Variants in CCND1 observed in about 807,000 individuals in gnomAD.
CCND1 encodes cyclin D1.
CCND1 carries 9 observed loss-of-function variants against 26.1 expected under a neutral mutation model. The ratio of observed to expected loss-of-function variants is 0.35; its 90% CI spans 0.21 to 0.60. The LOEUF (loss-of-function observed/expected upper bound fraction) is 0.60, where lower values mean the gene tolerates loss of function less well. CCND1 is among the 20% of genes least tolerant of loss of function. CCND1 has a pLI of 0.79. For synonymous variants in CCND1, 194 were observed against 166.1 expected (o/e 1.17, Z -1.29); for missense variants, 335 against 392.9 (o/e 0.85, Z 1.25).
Position 69,653,284 on chromosome 11 carries a change from C to G in CCND1, c.*2002C>G, listed in dbSNP as rs2120127485. On this transcript the variant is annotated 3_prime_UTR_variant, in exon 5 of 5. Transcript: ENST00000227507. ...TCCAGGCACGGTTTGGAAATATTCA[C>G]ATCGCTTCTGTGTATCTCTTTCACA... 1 of 702,752 alleles carries G rather than the reference C, an allele frequency of 1.4e-6. No individual in the cohort carries two copies. The highest frequency in any genetic ancestry group is 2.7e-5 in the East Asian group (1 of 37,276). The allele number at this position is 702,752 out of a possible 1,614,324, so 43.5% of individuals were successfully genotyped here.
intron 2 of CCND1, 115 bp downstream of exon 2, chr11:69,643,361 AG>A: frequency 1.3e-6 from 1 of 794,282 alleles, no homozygotes; most frequent in Non-Finnish European, 1.8e-6. Flanking sequence ...TGCTCCTCCG[AG>A]GGAGGGCGGC....
Position 69,654,347 on chromosome 11 carries a change from G to A in CCND1, c.*3065G>A, listed in dbSNP as rs1461594851. 1.4e-6 allele frequency: 1 copy of A among 702,528 alleles called. No individual in the cohort carries two copies. Among genetic ancestry groups the A allele is most frequent in the South Asian group, 1.5e-5 (1 of 67,596 alleles). The allele number at this position is 702,528 out of a possible 1,614,324, so 43.5% of individuals were successfully genotyped here. A position where few individuals can be genotyped will look rare whatever the true frequency, so the allele number is the denominator to read the frequency against. ...CGCAAGTCTGAGGGTCTGGGCGGCG[G>A]GCGGCTGGGTCTGTGCATTTCTGGT... On this transcript the variant is annotated 3_prime_UTR_variant, in exon 5 of 5. Transcript: ENST00000227507. The surrounding 1 kb of genome is among the most constrained non-coding windows in gnomAD (Gnocchi z 6.3).
chr11:69,647,815 C>T (rs182399526), intron 3 of CCND1, 179 bp from the exon 4 acceptor site: 3 of 654,978 alleles, frequency 4.6e-6, no homozygotes, highest in East Asian at 5.5e-5. Context: ...CTCTTGCTCT[C>T]CGAGTGCCCA....
rs775723921 is a variant in CCND1, at chr11:69,651,208, G to A, written c.814G>A (p.Glu272Lys). The A allele has an allele frequency of 1.9e-6, 3 of 1,605,500 alleles. No homozygotes were observed. Among genetic ancestry groups the A allele is most frequent in the South Asian group, 2.2e-5 (2 of 90,574 alleles). ...GCAGAACATGGACCCCAAGGCCGCC[G>A]AGGAGGAGGAAGAGGAGGAGGAGGA... ...AQQNMDPKAA[E>K]EEEEEEEEVD... The change falls in exon 5 of 5, where the codon GAG becomes AAG. Residue 272 changes from glutamate (E) to lysine (K), a missense_variant. Transcript: ENST00000227507.
Position 69,651,972 on chromosome 11 carries a change from G to A in CCND1, c.*690G>A, listed in dbSNP as rs1387464453. The A allele has an allele frequency of 8.6e-6, 2 of 232,884 alleles. No homozygotes were observed. Among genetic ancestry groups the A allele is most frequent in the East Asian group, 6.0e-5 (1 of 16,552 alleles). 14.4% of individuals were successfully genotyped at this position (232,884 alleles called of 1,614,324 possible). On this transcript the variant is annotated 3_prime_UTR_variant, in exon 5 of 5. Transcript: ENST00000227507. ...TTGGTTACAGTAGCGTAGCGTGCCC[G>A]TGTGCATGTCCTTTGCGCCTGTGAC... is the stretch of plus-strand genomic sequence containing the variant.
rs1401582268 is a variant in CCND1, at chr11:69,653,581, C to G, written c.*2299C>G. On this transcript the variant is annotated 3_prime_UTR_variant, in exon 5 of 5. Transcript: ENST00000227507. The stretch of plus-strand genomic sequence containing the variant: ...GCAGACACGCGGGCGCGATCCCACA[C>G]AGGCTGGCGGGGGCCGGCCCCGAGG... The G allele has an allele frequency of 1.9e-6, 1 of 522,270 alleles. No homozygotes were observed. Among genetic ancestry groups the G allele is most frequent in the Non-Finnish European group, 3.4e-6 (1 of 297,260 alleles). 32.4% of individuals were successfully genotyped at this position (522,270 alleles called of 1,614,324 possible).
chr11:69,643,960 C>A lies in CCND1; in HGVS notation c.543C>A (p.His181Gln), dbSNP rs1176469241. 1.9e-6 allele frequency: 3 copies of A among 1,613,484 alleles called. No homozygotes were observed. The South Asian group carries it at 3.3e-5, about 18-fold the overall frequency. ...AGAACAAACAGATCATCCGCAAACACGCGCAGACCTTCGTTGCCCTCTGTG... is the reference window on the plus strand; with the variant it reads ...AGAACAAACAGATCATCCGCAAACAAGCGCAGACCTTCGTTGCCCTCTGTG... ...AEENKQIIRK[H>Q]AQTFVALCAT... Residue 181 changes from histidine (H) to glutamine (Q), a missense_variant, in exon 3 of 5, where the codon CAC (histidine) becomes CAA (glutamine). Transcript: ENST00000227507.
At chr11:69,642,906 C>T in intron 1 of CCND1, 125 bp from the exon 2 acceptor site, 1 of 531,488 alleles carries the variant, frequency 1.9e-6, no homozygotes, top group Non-Finnish European at 3.0e-6. Context: ...TCCTGCCGCC[C>T]CCAGCCCCGA....
Position 69,654,319 on chromosome 11 carries a change from A to ACGC in CCND1, c.*3038_*3040dup, listed in dbSNP as rs1158599364. On this transcript the variant is annotated 3_prime_UTR_variant, in exon 5 of 5. Coordinates refer to ENST00000227507, the MANE Select transcript of CCND1 (RefSeq NM_053056.3). This position sits in a 1 kb window ranked among gnomAD's most constrained non-coding sequence, Gnocchi z 6.3. ...GGGGCACAGCGGAGTCTGTCCTGTG[A>ACGC]CGCGCAAGTCTGAGGGTCTGGGCGG... 7.1e-6 allele frequency: 5 copies of ACGC among 702,372 alleles called. No homozygotes were observed. The highest frequency in any genetic ancestry group is 1.0e-5 in the Non-Finnish European group (4 of 384,988). 43.5% of individuals were successfully genotyped at this position (702,372 alleles called of 1,614,324 possible). A position where few individuals can be genotyped will look rare whatever the true frequency, so the allele number is the denominator to read the frequency against.
At position 69,653,306 on chromosome 11, in the gene CCND1, C is replaced by G. The variant is rs1275811865; in HGVS notation, c.*2024C>G. The G allele has an allele frequency of 1.4e-6, 1 of 702,784 alleles. No individual in the cohort carries two copies. Among genetic ancestry groups the G allele is most frequent in the Non-Finnish European group, 2.6e-6 (1 of 384,976 alleles). The allele number at this position is 702,784 out of a possible 1,614,324, so 43.5% of individuals were successfully genotyped here. ...TCACATCGCTTCTGTGTATCTCTTTCACATTGTTTGCTGCTATTGGAGGAT... is the reference window on the plus strand; with the variant it reads ...TCACATCGCTTCTGTGTATCTCTTTGACATTGTTTGCTGCTATTGGAGGAT... On this transcript the variant is annotated 3_prime_UTR_variant, in exon 5 of 5. Transcript: ENST00000227507.
intron 1 of CCND1, among the ~76,000 whole-genome samples, chr11:69,642,790 G>GCCCGCT (rs1054189547): frequency 4.0e-5 from 6 of 150,822 alleles, no homozygotes; most frequent in Admixed American, 4.0e-4. Flanking sequence ...GCCCAGCTGT[G>GCCCGCT]CCCGCTCCCG....
At chr11:69,642,969 G>A (rs1396208258) in intron 1 of CCND1, 62 bp from the exon 2 acceptor site, 2 of 1,295,106 alleles carry the variant, frequency 1.5e-6, no homozygotes, top group East Asian at 2.8e-5. Flanking sequence ...TGGGGGGTGC[G>A]GGGGCGTGCG....
At chr11:69,644,616 G>A (rs960850329) in intron 3 of CCND1, among the ~76,000 whole-genome samples, 2 of 152,190 alleles carry the variant, frequency 1.3e-5, no homozygotes, top group African/African-American at 4.8e-5. Context: ...GGCCGCCACC[G>A]TGGGCAGCAG....
chr11:69,644,536 G>T (rs1356368060), intron 3 of CCND1, among the ~76,000 whole-genome samples: 2 of 152,184 alleles, frequency 1.3e-5, no homozygotes, highest in African/African-American at 4.8e-5. Flanking sequence ...CTGAGGCCCT[G>T]CCAGGGGTGC....
chr11:69,642,900 G>A (rs1344527713), intron 1 of CCND1, 131 bp from the exon 2 acceptor site: 19 of 484,026 alleles, frequency 3.9e-5, no homozygotes, highest in Non-Finnish European at 5.7e-5. Flanking sequence ...GGAAGCTCCT[G>A]CCGCCCCCAG....
rs751867946 is a variant in CCND1, at chr11:69,651,104, C to CCT, written c.724-4_724-3dup. 5 of 1,608,698 alleles carry CCT rather than the reference C, an allele frequency of 3.1e-6. No individual in the cohort carries two copies. The highest frequency in any genetic ancestry group is 1.3e-5 in the African/African-American group (1 of 74,604). On this transcript the variant is annotated splice_polypyrimidine_tract_variant and intron_variant, in intron 4 of 4. Transcript: ENST00000227507. ...ACCCCCTCTTCCCACCTCTCCCCAC[C>CCT]CTCTCTCTCTCAGGACTGCCTCCGG...
intron 2 of CCND1, chr11:69,643,462 C>G (rs900749792): frequency 2.1e-6 from 1 of 474,392 alleles, no homozygotes; most frequent in Non-Finnish European, 3.6e-6. Flanking sequence ...GCGACTCCCA[C>G]CGCGTTCGCG....
Position 69,653,298 on chromosome 11 carries a change from A to G in CCND1, c.*2016A>G. On this transcript the variant is annotated 3_prime_UTR_variant, in exon 5 of 5. Coordinates refer to ENST00000227507, the MANE Select transcript of CCND1 (RefSeq NM_053056.3). ...GGAAATATTCACATCGCTTCTGTGT[A>G]TCTCTTTCACATTGTTTGCTGCTAT... is the stretch of plus-strand genomic sequence containing the variant. 1 of 702,678 alleles carries G rather than the reference A, an allele frequency of 1.4e-6. No homozygotes were observed. The allele number at this position is 702,678 out of a possible 1,614,324, so 43.5% of individuals were successfully genotyped here. A position where few individuals can be genotyped will look rare whatever the true frequency, so the allele number is the denominator to read the frequency against.
In CCND1 at chr11:69,643,876, C is replaced by T. The variant is rs764930292; in HGVS notation, c.459C>T (p.Ala153=). Reference sequence around the variant, plus strand: ...TGAACAAGCTCAAGTGGAACCTGGCCGCAATGACCCCGCACGATTTCATTG... The same window carrying T: ...TGAACAAGCTCAAGTGGAACCTGGCTGCAATGACCCCGCACGATTTCATTG... ...LLVNKLKWNL[A]AMTPHDFIEH... is the part of the protein sequence containing the mutation. The change falls in exon 3 of 5, where the codon GCC becomes GCT. Residue 153 remains alanine (A), a synonymous_variant. Coordinates refer to ENST00000227507, the MANE Select transcript of CCND1 (RefSeq NM_053056.3). 5 of 1,613,208 alleles carry T rather than the reference C, an allele frequency of 3.1e-6. No individual in the cohort carries two copies. The highest frequency in any genetic ancestry group is 2.7e-5 in the African/African-American group (2 of 74,948).
Sources: allele counts gnomAD v4.1 joint callset (sites outside exome capture counted in the v4.1 genomes callset), GRCh38; gene constraint gnomAD v4.1.1; non-coding constraint Gnocchi (gnomAD v3.1); transcripts MANE v1.5; gene names NCBI Gene and HGNC (gene_info 2026-07-23, HGNC 2026-07-21).